The following SNTG1 variants were observed in gnomAD, a reference collection of about 807,000 sequenced individuals.
SNTG1 encodes the protein syntrophin gamma 1, also known as gamma-1-syntrophin.
In SNTG1, 39 loss-of-function variants were observed where a neutral mutation model predicts 74.7. That is an observed-to-expected ratio of 0.52 (90% confidence interval 0.40 to 0.68). The LOEUF (loss-of-function observed/expected upper bound fraction) is 0.68. SNTG1 is among the 30% of genes least tolerant of loss of function. SNTG1 has a pLI of 0.00. For synonymous variants in SNTG1, 254 were observed against 217.1 expected, an observed-to-expected ratio of 1.17 and a Z score of -1.49; for missense variants, 685 against 609.5, an observed-to-expected ratio of 1.12 and a Z score of -1.30.
intron 1 of SNTG1, among the ~76,000 whole-genome samples, chr8:50,141,563 A>T (rs1386599244): frequency 1.3e-5 from 2 of 152,214 alleles, no homozygotes; most frequent in Non-Finnish European, 2.9e-5. Flanking sequence ...TTAAGCTTCC[A>T]TATAATTATT....
chr8:49,984,462 C>A lies in SNTG1; in HGVS notation c.-103+72231C>A, dbSNP rs567114546. Among the ~76,000 whole-genome samples, 81 of 152,240 alleles carry A rather than the reference C, an allele frequency of 5.3e-4. 1 individual carries two copies. In the South Asian group the frequency reaches 8.9e-3, roughly 17 times the overall value. The stretch of plus-strand genomic sequence containing the variant: ...TCAGGTAATCCGCCCACCTCGGCCT[C>A]CCAAAGTGCTGGGATTATAGGCGTG... On this transcript the variant is annotated intron_variant, in intron 1 of 18. Coordinates refer to ENST00000642720, the MANE Select transcript of SNTG1 (RefSeq NM_018967.5).
intron 2 of SNTG1, among the ~76,000 whole-genome samples, chr8:50,304,019 C>T (rs1439849249): frequency 6.6e-6 from 1 of 152,108 alleles, no homozygotes; most frequent in East Asian, 1.9e-4. Flanking sequence ...TGGCTCTGTG[C>T]TATTGTTTCA....
At chr8:50,776,147 T>C (rs2095640174) in intron 18 of SNTG1, among the ~76,000 whole-genome samples, 1 of 150,976 alleles carries the variant, frequency 6.6e-6, no homozygotes, top group African/African-American at 2.4e-5. Context: ...AATTTTGTTC[T>C]CTCTCTTTTC....
At chr8:49,951,870 T>C (rs1378521844) in intron 1 of SNTG1, among the ~76,000 whole-genome samples, 4 of 25,214 alleles carry the variant, frequency 1.6e-4, no homozygotes, top group African/African-American at 4.8e-4. Flanking sequence ...TCTGGAAAAT[T>C]CACAAAAAAA....
intron 1 of SNTG1, among the ~76,000 whole-genome samples, chr8:50,146,615 A>T (rs1390028454): frequency 6.6e-6 from 1 of 152,184 alleles, no homozygotes; most frequent in African/African-American, 2.4e-5. Context: ...TATCTAAAAA[A>T]CTGCCAAACT....
At chr8:50,447,155 T>G (rs2093415170) in intron 5 of SNTG1, among the ~76,000 whole-genome samples, 1 of 152,204 alleles carries the variant, frequency 6.6e-6, no homozygotes, top group Non-Finnish European at 1.5e-5. Context: ...AATGGGATTA[T>G]TGAGTCAACC....
intron 2 of SNTG1, among the ~76,000 whole-genome samples, chr8:50,308,023 G>A (rs1003723528): frequency 1.3e-5 from 2 of 151,792 alleles, no homozygotes; most frequent in Non-Finnish European, 2.9e-5. Flanking sequence ...GTTTCTCTCA[G>A]CTCAGGGCTT....
chr8:50,690,977 G>A (rs572758962), intron 15 of SNTG1, among the ~76,000 whole-genome samples: 1 of 152,292 alleles, frequency 6.6e-6, no homozygotes, highest in South Asian at 2.1e-4. Context: ...TCTTCTTGTT[G>A]AATTGAACCT....
chr8:50,230,461 T>C (rs1319095693), intron 2 of SNTG1, among the ~76,000 whole-genome samples: 1 of 151,364 alleles, frequency 6.6e-6, no homozygotes, highest in Non-Finnish European at 1.5e-5. Context: ...TTAGATAATA[T>C]GGATCAATTA....
intron 15 of SNTG1, among the ~76,000 whole-genome samples, chr8:50,693,297 C>G (rs1433689019): frequency 1.3e-5 from 2 of 152,222 alleles, no homozygotes; most frequent in South Asian, 4.2e-4. Context: ...GTGAGATGAA[C>G]CTGGTACCTC....
intron 4 of SNTG1, among the ~76,000 whole-genome samples, chr8:50,425,578 A>T (rs1001895215): frequency 6.6e-6 from 1 of 152,162 alleles, no homozygotes; most frequent in African/African-American, 2.4e-5. Flanking sequence ...TAATAGAAAT[A>T]AAGTGCACCA....
At chr8:50,550,231 G>A (rs1331575229) in intron 11 of SNTG1, among the ~76,000 whole-genome samples, 1 of 152,090 alleles carries the variant, frequency 6.6e-6, no homozygotes, top group Non-Finnish European at 1.5e-5. Flanking sequence ...CAGACTTTAA[G>A]CCCACCTCAT....
At chr8:50,071,562 TCCACTTC>T in intron 1 of SNTG1, among the ~76,000 whole-genome samples, 1 of 152,188 alleles carries the variant, frequency 6.6e-6, no homozygotes, top group East Asian at 1.9e-4. Flanking sequence ...CACTGAAACC[TCCACTTC>T]CCAGGTTCAA....
intron 2 of SNTG1, among the ~76,000 whole-genome samples, chr8:50,329,603 A>C (rs779094055): frequency 6.6e-6 from 1 of 152,092 alleles, no homozygotes; most frequent in Non-Finnish European, 1.5e-5. Flanking sequence ...GCAGGGCACG[A>C]GATCCCAAGG....
At chr8:50,374,622 G>A (rs1427838214) in intron 2 of SNTG1, among the ~76,000 whole-genome samples, 3 of 152,114 alleles carry the variant, frequency 2.0e-5, no homozygotes, top group Non-Finnish European at 2.9e-5. Context: ...ACTTTGCTCC[G>A]CAGAGCTCCA....
intron 3 of SNTG1, among the ~76,000 whole-genome samples, chr8:50,397,159 G>A (rs1238903807): frequency 2.0e-5 from 3 of 151,960 alleles, no homozygotes; most frequent in Non-Finnish European, 4.4e-5. Flanking sequence ...ATTATGTTTG[G>A]TGTATATTTT....
chr8:50,194,022 C>T (rs1197222308), intron 2 of SNTG1, among the ~76,000 whole-genome samples: 1 of 152,062 alleles, frequency 6.6e-6, no homozygotes, highest in Non-Finnish European at 1.5e-5. Context: ...GTATGAAAAC[C>T]ACTTGATCAT....
chr8:50,187,609 A>G (rs1335775023), intron 2 of SNTG1, among the ~76,000 whole-genome samples: 1 of 152,218 alleles, frequency 6.6e-6, no homozygotes, highest in Non-Finnish European at 1.5e-5. Context: ...ACAAACCCAT[A>G]CATATATAAA....
At chr8:50,635,194 A>G (rs562719938) in intron 13 of SNTG1, among the ~76,000 whole-genome samples, 41 of 152,280 alleles carry the variant, frequency 2.7e-4, no homozygotes, top group African/African-American at 9.6e-4. Context: ...TTGGCATAAT[A>G]CACTAAGCAC....
Sources: gnomAD v4.1 joint callset for allele counts (sites outside exome capture counted in the v4.1 genomes callset) on GRCh38, gnomAD v4.1.1 for gene constraint, MANE v1.5 for transcripts, NCBI Gene and HGNC (gene_info 2026-07-23, HGNC 2026-07-21) for gene names.